The following DPP6 variants were observed in gnomAD, a reference collection of about 807,000 sequenced individuals.
The protein encoded by DPP6 is A-type potassium channel modulatory protein DPP6.
DPP6 carries 69 observed loss-of-function variants against 122.6 expected under a neutral mutation model. The observed-to-expected ratio is 0.56, with a 90% confidence interval of 0.46 to 0.69. The LOEUF (loss-of-function observed/expected upper bound fraction) is 0.69. Ranked by LOEUF, DPP6 falls within the 30% of genes least tolerant of loss-of-function variation. The probability of loss-of-function intolerance (pLI) is 0.00; values close to 1 mark genes in which losing one functional copy is unlikely to be tolerated. For missense variants in DPP6, 928 were observed against 1,116.9 expected (o/e 0.83, Z 2.41); for synonymous variants, 418 against 433.1 (o/e 0.97, Z 0.43).
At chr7:154,575,353 GGT>G (rs1381929644) in intron 5 of DPP6, among the ~76,000 whole-genome samples, 4 of 62,124 alleles carry the variant, frequency 6.4e-5, no homozygotes, top group East Asian at 4.3e-4. Flanking sequence ...ATGTGTGTGT[GGT>G]GTGTGTGTGA....
intron 16 of DPP6, among the ~76,000 whole-genome samples, chr7:154,811,381 A>G (rs1388165235): frequency 6.6e-6 from 1 of 152,196 alleles, no homozygotes; most frequent in Non-Finnish European, 1.5e-5. Flanking sequence ...ATGATTGCCT[A>G]AGGGATGAGA....
In DPP6 at chr7:154,241,539, A is replaced by G. The variant is rs1374075564; in HGVS notation, c.243+188476A>G. 6.6e-6 allele frequency among the ~76,000 whole-genome samples: 1 copy of G among 152,040 alleles called. No individual in the cohort carries two copies. The highest frequency in any genetic ancestry group is 6.6e-5 in the Admixed American group (1 of 15,248). ...CACTCCACTGCACTGCAGCCTGAGT[A>G]ACAAAGTGAGACCCTGTCTCAAAAC... On this transcript the variant is annotated intron_variant, in intron 1 of 25. Coordinates refer to ENST00000377770, the MANE Select transcript of DPP6 (RefSeq NM_130797.4). The surrounding 1 kb of genome is among the most constrained non-coding windows in gnomAD (Gnocchi z 9.0).
At chr7:154,385,387 A>G (rs975325383) in intron 1 of DPP6, among the ~76,000 whole-genome samples, 2 of 152,174 alleles carry the variant, frequency 1.3e-5, no homozygotes, top group African/African-American at 4.8e-5. Context: ...ACAAGCTGAC[A>G]GGGGTGGGAC....
At chr7:153,811,847 T>G in the DPP6 span, among the ~76,000 whole-genome samples, 2 of 152,154 alleles carry the variant, frequency 1.3e-5, no homozygotes, top group African/African-American at 2.4e-5. Flanking sequence ...ATTCTCAAAT[T>G]CCACAGATGA....
chr7:154,492,343 C>T (rs1415633348), intron 3 of DPP6, among the ~76,000 whole-genome samples: 1 of 152,122 alleles, frequency 6.6e-6, no homozygotes, highest in Non-Finnish European at 1.5e-5. Flanking sequence ...ATAGCAATAT[C>T]CCAAATCCCA....
chr7:154,672,769 G>A (rs140956410), intron 7 of DPP6, among the ~76,000 whole-genome samples: 2 of 152,292 alleles, frequency 1.3e-5, no homozygotes, highest in East Asian at 3.9e-4. Flanking sequence ...TACCCTATGT[G>A]CTGGAGCAGG....
intron 5 of DPP6, among the ~76,000 whole-genome samples, chr7:154,625,618 C>T (rs573656318): frequency 6.6e-6 from 1 of 152,276 alleles, no homozygotes; most frequent in African/African-American, 2.4e-5. Context: ...GAAGTGAGCC[C>T]AATGCACTTG....
chr7:154,024,994 C>T (rs1211174545), intron 1 of DPP6, among the ~76,000 whole-genome samples: 3 of 152,190 alleles, frequency 2.0e-5, no homozygotes, highest in Non-Finnish European at 4.4e-5. Context: ...CTTATATTCT[C>T]CAAAACTCCA....
chr7:154,787,985 A>G (rs1797442042), intron 10 of DPP6, among the ~76,000 whole-genome samples: 1 of 152,110 alleles, frequency 6.6e-6, no homozygotes. Context: ...GTATTTCTTT[A>G]TATTATTTTT....
rs973695605 is a variant in DPP6, at chr7:154,578,753, T to C, written c.627+11837T>C. Among the ~76,000 whole-genome samples the C allele has an allele frequency of 4.5e-3, 686 of 152,240 alleles. 7 individuals carry two copies. The highest frequency in any genetic ancestry group is 0.015 in the African/African-American group (641 of 41,538). On this transcript the variant is annotated intron_variant, in intron 5 of 25. Transcript: ENST00000377770. ...TTGTATGATTTCTCTTGAGTGTGTGTGCCTGTCCGTGAGGGTAGGTGTGCA... is the reference window on the plus strand; with the variant it reads ...TTGTATGATTTCTCTTGAGTGTGTGCGCCTGTCCGTGAGGGTAGGTGTGCA...
chr7:154,739,806 G>T (rs1183088462), intron 8 of DPP6, among the ~76,000 whole-genome samples: 1 of 152,194 alleles, frequency 6.6e-6, no homozygotes, highest in Admixed American at 6.5e-5. Flanking sequence ...CCAATGCACA[G>T]CCCTCAAACT....
intron 16 of DPP6, among the ~76,000 whole-genome samples, chr7:154,845,174 G>A (rs1801848003): frequency 6.6e-6 from 1 of 152,116 alleles, no homozygotes. Flanking sequence ...TTTATACAAC[G>A]CTGAGTCCAA....
intron 1 of DPP6, chr7:154,095,511 T>C (rs1157477513): frequency 7.1e-6 from 1 of 141,332 alleles, no homozygotes; most frequent in Non-Finnish European, 1.6e-5. Context: ...AAATAATGTT[T>C]TTCCCCTAAA....
the DPP6 span, among the ~76,000 whole-genome samples, chr7:153,830,958 AT>A: frequency 5.3e-5 from 8 of 152,178 alleles, no homozygotes; most frequent in African/African-American, 1.9e-4. Context: ...CATATAACTG[AT>A]TTAAACTTAA....
intron 16 of DPP6, among the ~76,000 whole-genome samples, chr7:154,813,597 C>T (rs1587224566): frequency 6.6e-6 from 1 of 151,994 alleles, no homozygotes; most frequent in Admixed American, 6.6e-5. Flanking sequence ...GATACTTGTG[C>T]GAGGGATCAG....
chr7:153,776,417 C>A, the DPP6 span, among the ~76,000 whole-genome samples: 1 of 152,068 alleles, frequency 6.6e-6, no homozygotes, highest in Non-Finnish European at 1.5e-5. Flanking sequence ...GGCACGTTTC[C>A]TTGCTGCCGT....
chr7:154,793,852 G>A (rs1022103837), intron 10 of DPP6: 7 of 564,810 alleles, frequency 1.2e-5, no homozygotes, highest in Non-Finnish European at 2.0e-5. Context: ...AACTCCCAGT[G>A]TCTTTGGGTT....
intron 1 of DPP6, among the ~76,000 whole-genome samples, chr7:154,386,925 G>T (rs866870945): frequency 3.4e-5 from 4 of 118,536 alleles, no homozygotes; most frequent in African/African-American, 1.3e-4. Context: ...TGGCAAAGCA[G>T]AGGAGGGCTT....
chr7:154,516,557 A>C (rs1479820724), intron 3 of DPP6, among the ~76,000 whole-genome samples: 1 of 152,234 alleles, frequency 6.6e-6, no homozygotes, highest in Non-Finnish European at 1.5e-5. Flanking sequence ...ACAACCAGGC[A>C]AATCTATCTG....
Sources: allele counts gnomAD v4.1 joint callset (sites outside exome capture counted in the v4.1 genomes callset), GRCh38; gene constraint gnomAD v4.1.1; non-coding constraint Gnocchi (gnomAD v3.1); transcripts MANE v1.5; gene names NCBI Gene and HGNC (gene_info 2026-07-23, HGNC 2026-07-21).